GAB1: variants seen among roughly 807,000 people sequenced by gnomAD.
GAB1 encodes the protein GRB2 associated binding protein 1, also known as GRB2-associated-binding protein 1.
Under a neutral mutation model 66.5 loss-of-function variants are expected in GAB1, and 19 were observed. That is an observed-to-expected ratio of 0.29 (90% CI 0.20 to 0.42). The LOEUF (loss-of-function observed/expected upper bound fraction) is 0.42, where lower values mean the gene tolerates loss of function less well. Ranked by LOEUF, GAB1 falls within the 10% of genes least tolerant of loss-of-function variation. The pLI is 1.00. For synonymous variants in GAB1, 294 were observed against 301.4 expected (o/e 0.98, Z 0.25); for missense variants, 732 against 858.5 (o/e 0.85, Z 1.84).
Position 143,400,333 on chromosome 4 carries a change from G to A in GAB1, c.73-15144G>A, listed in dbSNP as rs570938809. Among the ~76,000 whole-genome samples the A allele has an allele frequency of 1.9e-4, 29 of 152,282 alleles. No homozygotes were observed. In the South Asian group the frequency reaches 5.8e-3, roughly 30 times the overall value. On this transcript the variant is annotated intron_variant, in intron 1 of 9. Coordinates refer to ENST00000262994, the MANE Select transcript of GAB1 (RefSeq NM_002039.4). Reference sequence around the variant, plus strand: ...CTGGATGGTAGAGTGTGAAAAGGGGGGTGGTTATGGCTGCCTCCTAAGCCA... The same window carrying A: ...CTGGATGGTAGAGTGTGAAAAGGGGAGTGGTTATGGCTGCCTCCTAAGCCA...
chr4:143,408,530 G>A (rs1380152894), intron 1 of GAB1, among the ~76,000 whole-genome samples: 3 of 151,968 alleles, frequency 2.0e-5, no homozygotes, highest in African/African-American at 4.8e-5. Context: ...GTACAATTCC[G>A]CACCTTGTTT....
chr4:143,468,558 A>G (rs907869822), intron 9 of GAB1, among the ~76,000 whole-genome samples: 1 of 152,020 alleles, frequency 6.6e-6, no homozygotes, highest in South Asian at 2.1e-4. Flanking sequence ...CAAAAATAGT[A>G]TATAGTTAGG....
At chr4:143,411,343 A>G (rs1274958558) in intron 1 of GAB1, among the ~76,000 whole-genome samples, 1 of 152,198 alleles carries the variant, frequency 6.6e-6, no homozygotes, top group Non-Finnish European at 1.5e-5. Context: ...TGGAGTGACT[A>G]TTGCATATAA....
At chr4:143,408,103 TTATC>T (rs1732160398) in intron 1 of GAB1, among the ~76,000 whole-genome samples, 1 of 152,156 alleles carries the variant, frequency 6.6e-6, no homozygotes, top group African/African-American at 2.4e-5. Context: ...TCGTGACTCT[TTATC>T]TGTCTAGGCT....
At chr4:143,353,276 T>G (rs1266573252) in intron 1 of GAB1, among the ~76,000 whole-genome samples, 1 of 152,198 alleles carries the variant, frequency 6.6e-6, no homozygotes, top group Admixed American at 6.5e-5. Context: ...TGCCCTAATT[T>G]TTGGTTAGTT....
chr4:143,345,098 A>G (rs1217822325), intron 1 of GAB1, among the ~76,000 whole-genome samples: 2 of 152,362 alleles, frequency 1.3e-5, no homozygotes, highest in East Asian at 1.9e-4. Context: ...CGTGAAGGAT[A>G]TAAGTTATAA....
chr4:143,393,055 T>C (rs915635478), intron 1 of GAB1, among the ~76,000 whole-genome samples: 1 of 152,172 alleles, frequency 6.6e-6, no homozygotes, highest in Non-Finnish European at 1.5e-5. Context: ...GACTATGGGC[T>C]GTAAGCTGCT....
chr4:143,455,863 T>C (rs865863436), intron 6 of GAB1, among the ~76,000 whole-genome samples: 1 of 152,114 alleles, frequency 6.6e-6, no homozygotes, highest in Non-Finnish European at 1.5e-5. Context: ...TCCAGCTAAA[T>C]TTCCTAAGAT....
At chr4:143,345,818 A>G (rs1427041315) in intron 1 of GAB1, among the ~76,000 whole-genome samples, 1 of 152,240 alleles carries the variant, frequency 6.6e-6, no homozygotes, top group Non-Finnish European at 1.5e-5. Flanking sequence ...TAAGTTAAGC[A>G]AGTTTCACAT....
intron 1 of GAB1, among the ~76,000 whole-genome samples, chr4:143,409,829 G>A (rs1440753507): frequency 6.6e-6 from 1 of 152,142 alleles, no homozygotes; most frequent in East Asian, 1.9e-4. Flanking sequence ...ATAAGAAGAT[G>A]AAGAATGAGA....
chr4:143,468,335 C>G (rs1055526892), intron 9 of GAB1, among the ~76,000 whole-genome samples: 39 of 150,606 alleles, frequency 2.6e-4, no homozygotes, highest in Admixed American at 2.6e-3. Context: ...CTGCCTCAGC[C>G]TCCCAAGTAG....
chr4:143,463,055 AG>A (rs1735584219), intron 8 of GAB1, among the ~76,000 whole-genome samples: 1 of 152,208 alleles, frequency 6.6e-6, no homozygotes, highest in Non-Finnish European at 1.5e-5. Context: ...ACAATAGAAA[AG>A]TCAACAATGC....
At chr4:143,421,698 C>CTTTTTTTTTTTTTTTTTTTTT (rs70953733) in intron 2 of GAB1, among the ~76,000 whole-genome samples, 4 of 118,692 alleles carry the variant, frequency 3.4e-5, no homozygotes, top group Non-Finnish European at 7.1e-5. Flanking sequence ...CTTTTCTTTT[C>CTTTTTTTTTTTTTTTTTTTTT]TTTTTTTTTT....
At position 143,418,608 on chromosome 4, in the gene GAB1, C is replaced by T. The variant is rs375520070; in HGVS notation, c.367+2837C>T. ...TTGTTTGGGGGGACATAAGGGCAGACTTTTGTCTCTGTTGGTTGTCTGTAT... is the reference window on the plus strand; with the variant it reads ...TTGTTTGGGGGGACATAAGGGCAGATTTTTGTCTCTGTTGGTTGTCTGTAT... On this transcript the variant is annotated intron_variant, in intron 2 of 9. Coordinates refer to ENST00000262994, the MANE Select transcript of GAB1 (RefSeq NM_002039.4). 1.2e-4 allele frequency among the ~76,000 whole-genome samples: 19 copies of T among 152,282 alleles called. 1 individual carries two copies. The East Asian group carries it at 1.4e-3, about 11-fold the overall frequency.
chr4:143,442,208 C>T (rs141962659), intron 6 of GAB1, among the ~76,000 whole-genome samples: 132 of 152,186 alleles, frequency 8.7e-4, no homozygotes, highest in Admixed American at 1.5e-3. Flanking sequence ...ATTGAAATAT[C>T]TTTTTTAATG....
At chr4:143,359,136 A>G (rs1476284301) in intron 1 of GAB1, among the ~76,000 whole-genome samples, 5 of 152,178 alleles carry the variant, frequency 3.3e-5, no homozygotes, top group African/African-American at 1.2e-4. Flanking sequence ...GTGATGTCGT[A>G]AAGAACCCCA....
intron 2 of GAB1, among the ~76,000 whole-genome samples, chr4:143,419,857 C>T (rs1732921361): frequency 6.6e-6 from 1 of 152,048 alleles, no homozygotes; most frequent in South Asian, 2.1e-4. Context: ...AACAGTTCTT[C>T]ATTATGTAGT....
At chr4:143,376,635 A>G (rs1233282043) in intron 1 of GAB1, among the ~76,000 whole-genome samples, 2 of 152,200 alleles carry the variant, frequency 1.3e-5, no homozygotes, top group Non-Finnish European at 2.9e-5. Context: ...TTTCCTCTGT[A>G]GATTGTTTTG....
At position 143,421,698 on chromosome 4, in the gene GAB1, C is replaced by CTTTTTTTT. The variant is rs70953733; in HGVS notation, c.367+5935_367+5942dup. ...TTCTTTTTTTCTTTTCTTTTCTTTT[C>CTTTTTTTT]TTTTTTTTTTTTTTTGCATATTTCC... On this transcript the variant is annotated intron_variant, in intron 2 of 9. Transcript: ENST00000262994. Among the ~76,000 whole-genome samples the CTTTTTTTT allele has an allele frequency of 4.2e-3, 496 of 118,588 alleles. 1 individual carries two copies. Among genetic ancestry groups the CTTTTTTTT allele is most frequent in the Non-Finnish European group, 6.3e-3 (355 of 55,994 alleles). 77.8% of individuals were successfully genotyped at this position (118,588 alleles called of 152,430 possible).
Sources: gnomAD v4.1 joint callset for allele counts (sites outside exome capture counted in the v4.1 genomes callset) on GRCh38, gnomAD v4.1.1 for gene constraint, MANE v1.5 for transcripts, NCBI Gene and HGNC (gene_info 2026-07-23, HGNC 2026-07-21) for gene names.